The following LINGO2 variants were observed in gnomAD, a reference collection of about 807,000 sequenced individuals.
LINGO2 encodes the protein leucine rich repeat and Ig domain containing 2, also known as leucine-rich repeat and immunoglobulin-like domain-containing nogo receptor-interacting protein 2.
Under a neutral mutation model 30.6 loss-of-function variants are expected in LINGO2, and 14 were observed. The ratio of observed to expected loss-of-function variants is 0.46; its 90% CI spans 0.30 to 0.72. The LOEUF is 0.72. LINGO2 is among the 30% of genes least tolerant of loss of function. The pLI is 0.07. For missense variants in LINGO2, 729 were observed against 751.7 expected, an observed-to-expected ratio of 0.97 and a Z score of 0.35; for synonymous variants, 317 against 288.5, an observed-to-expected ratio of 1.10 and a Z score of -1.00.
chr9:28,025,766 T>C (rs1823346498), intron 4 of LINGO2, among the ~76,000 whole-genome samples: 1 of 152,162 alleles, frequency 6.6e-6, no homozygotes, highest in Admixed American at 6.5e-5. Flanking sequence ...AGGCTTCCCA[T>C]CCAGAAGGCA....
chr9:28,322,261 A>C (rs57573303), intron 3 of LINGO2, among the ~76,000 whole-genome samples: 19,570 of 152,118 alleles, frequency 0.13, 1,569 homozygotes, highest in East Asian at 0.25. Flanking sequence ...ATGTTTCCTC[A>C]TCAGAGAGGT....
Position 28,384,826 on chromosome 9 carries a change from T to TAA in LINGO2, c.-278-11960_-278-11959dup, listed in dbSNP as rs34344145. 6.4e-5 allele frequency among the ~76,000 whole-genome samples: 8 copies of TAA among 124,680 alleles called. No individual in the cohort carries two copies. The South Asian group carries it at 1.1e-3, about 17-fold the overall frequency. The allele number at this position is 124,680 out of a possible 152,430, so 81.8% of individuals were successfully genotyped here. A position where few individuals can be genotyped will look rare whatever the true frequency, so the allele number is the denominator to read the frequency against. On this transcript the variant is annotated intron_variant, in intron 2 of 5. Coordinates refer to ENST00000379992, the Ensembl canonical transcript of LINGO2. ...TCAAAGTTTCAGAGGCTTTGTGTGA[T>TAA]AAAAAAAAAAAATGTCTTCACATTT... is the stretch of plus-strand genomic sequence containing the variant.
chr9:28,796,661 G>A, the LINGO2 span, among the ~76,000 whole-genome samples: 2 of 150,058 alleles, frequency 1.3e-5, no homozygotes, highest in Non-Finnish European at 2.9e-5. Context: ...AAATTGATAA[G>A]AGGGAGGACA....
intron 4 of LINGO2, among the ~76,000 whole-genome samples, chr9:28,121,471 A>G (rs72724988): frequency 0.076 from 11,514 of 152,118 alleles, 588 homozygotes; most frequent in Middle Eastern, 0.13. Context: ...TTCCTTCCAC[A>G]TTCTTTTTTC....
chr9:27,964,768 CAA>C (rs1455103494), intron 5 of LINGO2, among the ~76,000 whole-genome samples: 1 of 152,060 alleles, frequency 6.6e-6, no homozygotes, highest in Non-Finnish European at 1.5e-5. Context: ...GATCCACAAT[CAA>C]GAGCTATCCT....
At chr9:28,538,821 A>T (rs1821547510) in intron 1 of LINGO2, among the ~76,000 whole-genome samples, 1 of 152,082 alleles carries the variant, frequency 6.6e-6, no homozygotes. Flanking sequence ...ACATTGTTGC[A>T]TTGGGGTTTT....
chr9:28,962,053 C>A, the LINGO2 span, among the ~76,000 whole-genome samples: 22 of 151,814 alleles, frequency 1.4e-4, no homozygotes, highest in South Asian at 2.1e-4. Context: ...AACAAACAAA[C>A]AAAAAAACAG....
chr9:28,898,304 G>C, the LINGO2 span, among the ~76,000 whole-genome samples: 2 of 151,976 alleles, frequency 1.3e-5, no homozygotes, highest in African/African-American at 4.8e-5. Context: ...AAAATAATTG[G>C]GAATATAACG....
At chr9:29,058,010 C>G in the LINGO2 span, among the ~76,000 whole-genome samples, 6 of 152,034 alleles carry the variant, frequency 3.9e-5, no homozygotes, top group Admixed American at 6.6e-5. Flanking sequence ...CGCAGAAATA[C>G]AACAGCATCT....
At chr9:28,752,091 A>G in the LINGO2 span, among the ~76,000 whole-genome samples, 1 of 152,076 alleles carries the variant, frequency 6.6e-6, no homozygotes, top group Admixed American at 6.6e-5. Context: ...ACTTAATAAA[A>G]TCCCATAATA....
At chr9:28,840,826 G>A in the LINGO2 span, among the ~76,000 whole-genome samples, 2 of 151,832 alleles carry the variant, frequency 1.3e-5, no homozygotes, top group Non-Finnish European at 2.9e-5. Flanking sequence ...CTCCAGAAGG[G>A]AGAGTAATTT....
chr9:28,975,050 G>A, the LINGO2 span, among the ~76,000 whole-genome samples: 2 of 152,016 alleles, frequency 1.3e-5, no homozygotes, highest in African/African-American at 4.8e-5. Flanking sequence ...CAACTGAAAG[G>A]ACAATTGTGA....
chr9:29,199,934 A>T, the LINGO2 span, among the ~76,000 whole-genome samples: 1 of 152,056 alleles, frequency 6.6e-6, no homozygotes, highest in African/African-American at 2.4e-5. Flanking sequence ...ACAGGAAAAA[A>T]GTATTGAGAG....
Position 28,622,873 on chromosome 9 carries a change from T to C in LINGO2, c.-365+47327A>G, listed in dbSNP as rs1054293250. On this transcript the variant is annotated intron_variant, in intron 1 of 5. Transcript: ENST00000379992. Reference sequence around the variant, plus strand: ...TTGATTATTGCCTGTCATTTGTATATATGCCATTTTAACTGGGGTGAGATG... The same window carrying C: ...TTGATTATTGCCTGTCATTTGTATACATGCCATTTTAACTGGGGTGAGATG... 2.6e-5 allele frequency among the ~76,000 whole-genome samples: 4 copies of C among 152,098 alleles called. No individual in the cohort carries two copies. In the East Asian group the frequency reaches 7.7e-4, roughly 29 times the overall value.
chr9:28,307,788 A>G (rs1238584299), intron 3 of LINGO2, among the ~76,000 whole-genome samples: 1 of 152,196 alleles, frequency 6.6e-6, no homozygotes, highest in Non-Finnish European at 1.5e-5. Context: ...CACCAATAAC[A>G]GACAAACAGA....
At chr9:28,832,694 A>AAAACAAAATACCAGTTTCTT in the LINGO2 span, among the ~76,000 whole-genome samples, 1 of 152,178 alleles carries the variant, frequency 6.6e-6, no homozygotes, top group Non-Finnish European at 1.5e-5. Context: ...ATTAAAAAGG[A>AAAACAAAATACCAGTTTCTT]AAACAAAATA....
the LINGO2 span, among the ~76,000 whole-genome samples, chr9:28,860,109 GA>G: frequency 2.6e-5 from 4 of 152,032 alleles, no homozygotes; most frequent in African/African-American, 9.6e-5. Context: ...GAAATATGTG[GA>G]AAATAATTAA....
At chr9:28,179,312 ATATAC>A (rs962059913) in intron 4 of LINGO2, among the ~76,000 whole-genome samples, 3 of 144,848 alleles carry the variant, frequency 2.1e-5, no homozygotes, top group African/African-American at 7.5e-5. Context: ...TTTATACTAT[ATATAC>A]TATACTATAT....
At chr9:28,364,462 C>G (rs1037660207) in intron 3 of LINGO2, among the ~76,000 whole-genome samples, 2 of 152,038 alleles carry the variant, frequency 1.3e-5, no homozygotes, top group African/African-American at 2.4e-5. Flanking sequence ...CTTCAGAAAA[C>G]AGCTTCACTT....
Sources: allele counts gnomAD v4.1 joint callset (sites outside exome capture counted in the v4.1 genomes callset), GRCh38; gene constraint gnomAD v4.1.1; transcripts MANE v1.5; gene names NCBI Gene and HGNC (gene_info 2026-07-23, HGNC 2026-07-21).